CNTN1: variants seen among roughly 807,000 people sequenced by gnomAD.
The protein encoded by CNTN1 is contactin 1, also known as contactin-1.
A neutral mutation model predicts 126.4 loss-of-function variants in CNTN1; 38 were observed. The observed-to-expected ratio is 0.30, with a 90% CI of 0.23 to 0.39. The LOEUF is 0.39. CNTN1 is among the 10% of genes least tolerant of loss of function. The pLI, the probability that CNTN1 is intolerant of heterozygous loss-of-function variation, is 1.00. For missense variants in CNTN1, 1,009 were observed against 1,248.4 expected, an observed-to-expected ratio of 0.81 and a Z score of 2.89; for synonymous variants, 413 against 422.6, an observed-to-expected ratio of 0.98 and a Z score of 0.28.
At chr12:40,716,685 A>G (rs2121194205) in intron 1 of CNTN1, among the ~76,000 whole-genome samples, 1 of 152,334 alleles carries the variant, frequency 6.6e-6, no homozygotes, top group South Asian at 2.1e-4. Context: ...AGAATTTGGC[A>G]ACAATTATTA....
chr12:40,811,251 A>C (rs961576124), intron 1 of CNTN1, among the ~76,000 whole-genome samples: 1 of 152,194 alleles, frequency 6.6e-6, no homozygotes, highest in African/African-American at 2.4e-5. Flanking sequence ...AGTATCATCC[A>C]TAATGTATTA....
intron 1 of CNTN1, among the ~76,000 whole-genome samples, chr12:40,727,945 G>T (rs1326919818): frequency 6.6e-6 from 1 of 152,184 alleles, no homozygotes; most frequent in Non-Finnish European, 1.5e-5. Flanking sequence ...ACCCTGTAGA[G>T]GTGTCCGCCC....
intron 1 of CNTN1, among the ~76,000 whole-genome samples, chr12:40,872,972 G>C (rs12146790): frequency 0.25 from 38,088 of 152,060 alleles, 5,052 homozygotes; most frequent in South Asian, 0.35. Flanking sequence ...TGAGAGGAAA[G>C]ATAATTGCCT....
At chr12:40,922,699 G>A (rs772033646) in intron 5 of CNTN1, among the ~76,000 whole-genome samples, 2 of 152,078 alleles carry the variant, frequency 1.3e-5, no homozygotes, top group Non-Finnish European at 2.9e-5. Context: ...CAGGCTGGGC[G>A]CGGTGGCTCA....
chr12:40,936,875 T>C lies in CNTN1; in HGVS notation c.1080T>C (p.Pro360=). 6.2e-7 allele frequency: 1 copy of C among 1,613,282 alleles called. No homozygotes were observed. The change falls in exon 10 of 24, where the codon CCT becomes CCC. Residue 360 remains proline, a synonymous_variant. Coordinates refer to ENST00000551295, the MANE Select transcript of CNTN1 (RefSeq NM_001843.4). ...GTGTGGCCACAGGAAAGCCCATCCC[T>C]ACAATCCGATGGTTGAAAAATGGAT... ...WPCVATGKPI[P]TIRWLKNGYA... is the part of the protein sequence containing the mutation.
At chr12:40,951,318 A>G (rs1364832881) in intron 14 of CNTN1, among the ~76,000 whole-genome samples, 1 of 152,160 alleles carries the variant, frequency 6.6e-6, no homozygotes. Flanking sequence ...TTTATATGCA[A>G]ACACACTCTT....
intron 23 of CNTN1, among the ~76,000 whole-genome samples, chr12:41,042,641 A>G (rs1949442674): frequency 6.6e-6 from 1 of 152,128 alleles, no homozygotes; most frequent in Admixed American, 6.6e-5. Flanking sequence ...CAGAATTGGA[A>G]AAAACTACTT....
At chr12:40,918,874 TC>T in intron 4 of CNTN1, 103 bp downstream of exon 4, 1 of 1,388,082 alleles carries the variant, frequency 7.2e-7, no homozygotes, top group Non-Finnish European at 1.0e-6. Flanking sequence ...TTCTGCAAAT[TC>T]CATGGACATT....
rs1046727657 is a variant in CNTN1 at position 40,980,770 on chromosome 12, T to G, written c.1805-139T>G. On this transcript the variant is annotated intron_variant, in intron 15 of 23. Coordinates refer to ENST00000551295, the MANE Select transcript of CNTN1 (RefSeq NM_001843.4). ...ATGATATCACTTCTTATAATCTATA[T>G]TTAAAAGAAATGCAGACACACTGAT... 3.3e-5 allele frequency: 26 copies of G among 782,664 alleles called. No individual in the cohort carries two copies. In the Admixed American group the frequency reaches 5.7e-4, roughly 17 times the overall value. 48.5% of individuals were successfully genotyped at this position (782,664 alleles called of 1,614,324 possible). A position where few individuals can be genotyped will look rare whatever the true frequency, so the allele number is the denominator to read the frequency against.
chr12:40,815,115 A>G (rs1941214735), intron 1 of CNTN1, among the ~76,000 whole-genome samples: 2 of 152,076 alleles, frequency 1.3e-5, no homozygotes, highest in Non-Finnish European at 2.9e-5. Context: ...TTTGCTTAGG[A>G]TTGTCTTGGC....
intron 14 of CNTN1, among the ~76,000 whole-genome samples, chr12:40,948,449 G>T (rs1430399024): frequency 1.3e-5 from 2 of 151,586 alleles, no homozygotes; most frequent in South Asian, 2.1e-4. Context: ...GACAGAATTG[G>T]GTTAAATGTT....
chr12:40,970,171 A>G (rs1947455237), intron 15 of CNTN1, among the ~76,000 whole-genome samples: 2 of 152,084 alleles, frequency 1.3e-5, no homozygotes, highest in South Asian at 4.1e-4. Context: ...ACAGTGACTA[A>G]TTCAAGGAAA....
intron 1 of CNTN1, among the ~76,000 whole-genome samples, chr12:40,794,104 A>AT (rs1256430240): frequency 6.6e-6 from 1 of 152,074 alleles, no homozygotes; most frequent in African/African-American, 2.4e-5. Context: ...ATTTAGTTTA[A>AT]TAACCCTATC....
intron 14 of CNTN1, among the ~76,000 whole-genome samples, chr12:40,957,349 A>T (rs1946924818): frequency 6.6e-6 from 1 of 151,820 alleles, no homozygotes; most frequent in Non-Finnish European, 1.5e-5. Flanking sequence ...GGGAGAGGTG[A>T]AGGTTACTGG....
chr12:40,760,844 C>CACAA (rs1938835729), intron 1 of CNTN1, among the ~76,000 whole-genome samples: 1 of 151,622 alleles, frequency 6.6e-6, no homozygotes, highest in Non-Finnish European at 1.5e-5. Flanking sequence ...TGCACACACA[C>CACAA]ACACACACAC....
chr12:40,967,724 TA>T (rs1947358485), intron 15 of CNTN1, among the ~76,000 whole-genome samples: 2 of 152,100 alleles, frequency 1.3e-5, no homozygotes, highest in Admixed American at 1.3e-4. Flanking sequence ...TAATCAGAGA[TA>T]CCTACAAGTC....
chr12:41,041,493 T>C (rs920838482), intron 23 of CNTN1, among the ~76,000 whole-genome samples: 2 of 152,192 alleles, frequency 1.3e-5, no homozygotes, highest in Non-Finnish European at 1.5e-5. Flanking sequence ...AGGAATGGTA[T>C]CAGTTTCTCC....
rs537484708 is a variant in CNTN1, at chr12:40,861,950, A to T, written c.-76-46407A>T. On this transcript the variant is annotated intron_variant, in intron 1 of 23. Coordinates refer to ENST00000551295, the MANE Select transcript of CNTN1 (RefSeq NM_001843.4). ...AGATAGTGAATTTTCTTTTACAGCA[A>T]TTACAAATTAGGAAAAAGTGGGAGG... Among the ~76,000 whole-genome samples the T allele has an allele frequency of 7.4e-4, 113 of 152,118 alleles. 1 individual carries two copies. Among genetic ancestry groups the T allele is most frequent in the African/African-American group, 2.6e-3 (106 of 41,516 alleles).
At chr12:40,999,152 TA>T (rs1476966592) in intron 17 of CNTN1, among the ~76,000 whole-genome samples, 5 of 151,994 alleles carry the variant, frequency 3.3e-5, no homozygotes, top group African/African-American at 9.7e-5. Flanking sequence ...TGATTTTCTT[TA>T]AAAAAAATTT....
Sources: allele counts gnomAD v4.1 joint callset (sites outside exome capture counted in the v4.1 genomes callset), GRCh38; gene constraint gnomAD v4.1.1; transcripts MANE v1.5; gene names NCBI Gene and HGNC (gene_info 2026-07-23, HGNC 2026-07-21).